Variants in WNT7A observed in about 807,000 individuals in gnomAD.
WNT7A encodes protein Wnt-7a.
WNT7A carries 16 observed loss-of-function variants against 28.2 expected under a neutral mutation model. That is an observed-to-expected ratio of 0.57 (90% CI 0.38 to 0.86). The LOEUF is 0.86. WNT7A is among the 40% of genes least tolerant of loss of function. The pLI is 0.00. For missense variants in WNT7A, 411 were observed against 489.7 expected, an observed-to-expected ratio of 0.84 and a Z score of 1.52; for synonymous variants, 190 against 195.9, an observed-to-expected ratio of 0.97 and a Z score of 0.25.
intron 2 of WNT7A, among the ~76,000 whole-genome samples, chr3:13,862,199 G>A (rs973750063): frequency 2.6e-5 from 4 of 152,190 alleles, no homozygotes; most frequent in African/African-American, 7.2e-5. Flanking sequence ...AGAAGGTGCT[G>A]GATAAAGAAC....
At chr3:13,871,280 G>C (rs1233732791) in intron 2 of WNT7A, among the ~76,000 whole-genome samples, 1 of 152,222 alleles carries the variant, frequency 6.6e-6, no homozygotes, top group Non-Finnish European at 1.5e-5. Context: ...GCCCTTGTTA[G>C]CTGGTCATTC....
At chr3:13,872,422 G>A (rs1695040206) in intron 2 of WNT7A, among the ~76,000 whole-genome samples, 1 of 152,032 alleles carries the variant, frequency 6.6e-6, no homozygotes, top group South Asian at 2.1e-4. Flanking sequence ...CCTATCCTCT[G>A]GCAGTCACTC....
rs189318513 is a variant in WNT7A at position 13,857,992 on chromosome 3, A to G, written c.299-3189T>C. On this transcript the variant is annotated intron_variant, in intron 2 of 3. Transcript: ENST00000285018. ...ACAATTCTTATCTATGATGGAGGTA[A>G]CAAGTCTCTACAAGTACAAGAGGGC... Among the ~76,000 whole-genome samples the G allele has an allele frequency of 1.4e-4, 21 of 152,342 alleles. 1 individual carries two copies. The East Asian group carries it at 4.1e-3, about 30-fold the overall frequency.
chr3:13,855,343 T>C (rs1694712227), intron 2 of WNT7A, among the ~76,000 whole-genome samples: 1 of 146,330 alleles, frequency 6.8e-6, no homozygotes, highest in Non-Finnish European at 1.5e-5. Flanking sequence ...GGACATATCA[T>C]TGGTAACTTT....
At chr3:13,833,120 T>C (rs1024852553) in intron 3 of WNT7A, among the ~76,000 whole-genome samples, 1 of 151,898 alleles carries the variant, frequency 6.6e-6, no homozygotes, top group Non-Finnish European at 1.5e-5. Flanking sequence ...CATCCCACCA[T>C]GTGCTCACAC....
intron 3 of WNT7A, among the ~76,000 whole-genome samples, chr3:13,827,348 G>A (rs998892945): frequency 2.6e-5 from 4 of 152,196 alleles, no homozygotes; most frequent in Non-Finnish European, 5.9e-5. Context: ...TGCCAGCCAT[G>A]CCCCAAACCT....
chr3:13,839,364 G>C (rs1488237007), intron 3 of WNT7A, among the ~76,000 whole-genome samples: 1 of 152,234 alleles, frequency 6.6e-6, no homozygotes, highest in South Asian at 2.1e-4. Flanking sequence ...GCCCAGATAG[G>C]GGGTGGGAGC....
intron 3 of WNT7A, among the ~76,000 whole-genome samples, chr3:13,839,026 T>C (rs1221576758): frequency 6.6e-6 from 1 of 152,252 alleles, no homozygotes; most frequent in African/African-American, 2.4e-5. Context: ...ATCAGATAGA[T>C]ATTTGGGATA....
rs538823313 is a variant in WNT7A, at chr3:13,825,374, C to T, written c.571-5951G>A. 4.4e-4 allele frequency among the ~76,000 whole-genome samples: 67 copies of T among 152,264 alleles called. No homozygotes were observed. The Middle Eastern group carries it at 0.01, about 23-fold the overall frequency. Reference sequence around the variant, plus strand: ...TTAGCACTGTGATGACCTGCCTATACGTCAGCATTCCCCCAGGCCAATTGC... The same window carrying T: ...TTAGCACTGTGATGACCTGCCTATATGTCAGCATTCCCCCAGGCCAATTGC... On this transcript the variant is annotated intron_variant, in intron 3 of 3. Transcript: ENST00000285018.
intron 3 of WNT7A, among the ~76,000 whole-genome samples, chr3:13,832,709 T>C (rs900875093): frequency 1.3e-5 from 2 of 151,986 alleles, no homozygotes; most frequent in Non-Finnish European, 2.9e-5. Context: ...ATTCTTTAAG[T>C]CATTCTGGAT....
chr3:13,875,122 G>A lies in WNT7A; in HGVS notation c.123C>T (p.Ile41=), dbSNP rs747757554. The change falls in exon 2 of 4, where the codon ATC becomes ATT. Residue 41 remains isoleucine, a synonymous_variant. Coordinates refer to ENST00000285018, the MANE Select transcript of WNT7A (RefSeq NM_004625.4). Reference sequence around the variant, plus strand: ...CCCGCTGTCTGGGAGCCAGGCCTGGGATCTTGTTACAGATGATGCTTGCGC... The same window carrying A: ...CCCGCTGTCTGGGAGCCAGGCCTGGAATCTTGTTACAGATGATGCTTGCGC... ...ALGASIICNK[I]PGLAPRQRAI... 18 of 1,614,214 alleles carry A rather than the reference G, an allele frequency of 1.1e-5. No individual in the cohort carries two copies. In the South Asian group the frequency reaches 2.0e-4, roughly 18 times the overall value.
At position 13,816,435 on chromosome 3, in the gene WNT7A, G is replaced by A. The variant is rs1559292083; in HGVS notation, c.*2509C>T. 6.6e-6 allele frequency: 1 copy of A among 152,240 alleles called. No individual in the cohort carries two copies. The highest frequency in any genetic ancestry group is 1.5e-5 in the Non-Finnish European group (1 of 68,098). The allele number at this position is 152,240 out of a possible 1,614,324, so 9.4% of individuals were successfully genotyped here. On this transcript the variant is annotated 3_prime_UTR_variant, in exon 4 of 4. Coordinates refer to ENST00000285018, the MANE Select transcript of WNT7A (RefSeq NM_004625.4). ...CCCAGAGCTGGGAACCCACAGTGAG[G>A]GAGGACACAGGGATGACTCTTCTGA... is the stretch of plus-strand genomic sequence containing the variant.
chr3:13,837,407 A>T (rs1694388281), intron 3 of WNT7A, among the ~76,000 whole-genome samples: 1 of 145,576 alleles, frequency 6.9e-6, no homozygotes, highest in Admixed American at 6.9e-5. Flanking sequence ...GTACTTTGGG[A>T]TGACTTGCTT....
At chr3:13,821,751 A>G (rs541249984) in intron 3 of WNT7A, among the ~76,000 whole-genome samples, 8 of 152,304 alleles carry the variant, frequency 5.3e-5, no homozygotes, top group African/African-American at 1.9e-4. Flanking sequence ...CCATCCACCA[A>G]TATCAAGACA....
intron 1 of WNT7A, 24 bp from the exon 2 acceptor site, chr3:13,875,197 T>A: frequency 6.2e-7 from 1 of 1,613,036 alleles, no homozygotes. Context: ...CACAGAGAGA[T>A]GGAGCATTAG....
At chr3:13,850,423 C>T (rs978492302) in intron 3 of WNT7A, among the ~76,000 whole-genome samples, 5 of 152,158 alleles carry the variant, frequency 3.3e-5, no homozygotes, top group African/African-American at 1.2e-4. Context: ...GGGAATCCAG[C>T]TCCCAGGAGC....
intron 3 of WNT7A, among the ~76,000 whole-genome samples, chr3:13,842,976 C>T (rs1575065174): frequency 6.6e-6 from 1 of 152,168 alleles, no homozygotes; most frequent in South Asian, 2.1e-4. Flanking sequence ...GAAGTGGCTG[C>T]TCACAAGGAC....
intron 3 of WNT7A, among the ~76,000 whole-genome samples, chr3:13,828,965 T>A (rs12053930): frequency 6.6e-6 from 1 of 152,028 alleles, no homozygotes; most frequent in South Asian, 2.1e-4. Context: ...CAAGGGAACA[T>A]GGCACACTCT....
chr3:13,857,710 A>C (rs563542320), intron 2 of WNT7A, among the ~76,000 whole-genome samples: 2 of 152,232 alleles, frequency 1.3e-5, no homozygotes, highest in African/African-American at 2.4e-5. Flanking sequence ...TATCAAACTC[A>C]CAAGAAAACC....
Sources: allele counts gnomAD v4.1 joint callset (sites outside exome capture counted in the v4.1 genomes callset), GRCh38; gene constraint gnomAD v4.1.1; transcripts MANE v1.5; gene names NCBI Gene and HGNC (gene_info 2026-07-23, HGNC 2026-07-21).